Variants in CADPS observed in about 807,000 individuals in gnomAD.
The protein encoded by CADPS is calcium-dependent secretion activator 1.
Under a neutral mutation model 167.3 loss-of-function variants are expected in CADPS, and 57 were observed. The ratio of observed to expected loss-of-function variants is 0.34; its 90% CI spans 0.28 to 0.42. CADPS has a LOEUF of 0.42. Among genes scored for constraint, CADPS ranks in the 20% least tolerant of loss-of-function variants. The probability of loss-of-function intolerance (pLI) is 1.00; values close to 1 mark genes in which losing one functional copy is unlikely to be tolerated. For synonymous variants in CADPS, 676 were observed against 635.3 expected, an observed-to-expected ratio of 1.06 and a Z score of -0.96; for missense variants, 1,414 against 1,738.1, an observed-to-expected ratio of 0.81 and a Z score of 3.32.
In CADPS at chr3:62,474,152, TA is replaced by T; in HGVS notation, c.3477+20del. The T allele has an allele frequency of 7.4e-7, 1 of 1,350,106 alleles. No homozygotes were observed. Among genetic ancestry groups the T allele is most frequent in the South Asian group, 1.6e-5 (1 of 63,256 alleles). The allele number at this position is 1,350,106 out of a possible 1,614,324, so 83.6% of individuals were successfully genotyped here. A position where few individuals can be genotyped will look rare whatever the true frequency, so the allele number is the denominator to read the frequency against. On this transcript the variant is annotated intron_variant, in intron 24 of 29. Coordinates refer to ENST00000383710, the MANE Select transcript of CADPS (RefSeq NM_003716.4). Reference sequence around the variant, plus strand: ...CAATGAAGAGGGAAAAAAAAATCTGTATTTTTTTTTTTTTTTTTACCTCTTG... The same window carrying T: ...CAATGAAGAGGGAAAAAAAAATCTGTTTTTTTTTTTTTTTTTTACCTCTTG...
chr3:62,834,056 C>A (rs1326691412), intron 1 of CADPS, among the ~76,000 whole-genome samples: 1 of 152,082 alleles, frequency 6.6e-6, no homozygotes, highest in African/African-American at 2.4e-5. Flanking sequence ...TTTGTAAGTT[C>A]TCTGTCATGG....
chr3:62,633,974 C>T (rs1358949159), intron 6 of CADPS, among the ~76,000 whole-genome samples: 1 of 152,168 alleles, frequency 6.6e-6, no homozygotes, highest in Non-Finnish European at 1.5e-5. Context: ...ACACTTAGGA[C>T]AGACGGCAAA....
At chr3:62,445,598 A>G (rs1361376953) in intron 27 of CADPS, among the ~76,000 whole-genome samples, 167 bp downstream of exon 27, 2 of 152,126 alleles carry the variant, frequency 1.3e-5, no homozygotes, top group African/African-American at 4.8e-5. Flanking sequence ...AAATTCTACT[A>G]CAAAATATTC....
chr3:62,614,116 T>C (rs1467163489), intron 6 of CADPS, among the ~76,000 whole-genome samples: 1 of 152,214 alleles, frequency 6.6e-6, no homozygotes, highest in Non-Finnish European at 1.5e-5. Flanking sequence ...CAATTCAGCC[T>C]AACAGCTCCT....
chr3:62,699,221 G>A (rs2080941949), intron 3 of CADPS, among the ~76,000 whole-genome samples: 1 of 151,846 alleles, frequency 6.6e-6, no homozygotes, highest in Non-Finnish European at 1.5e-5. Context: ...CTGTTTTGTA[G>A]AGTCAGGGTC....
intron 4 of CADPS, among the ~76,000 whole-genome samples, chr3:62,655,897 T>C (rs907173703): frequency 1.3e-5 from 2 of 151,890 alleles, no homozygotes; most frequent in Admixed American, 6.6e-5. Flanking sequence ...TGGGGGGACA[T>C]GCCAGAAAGT....
At chr3:62,808,702 C>T (rs1237525165) in intron 1 of CADPS, among the ~76,000 whole-genome samples, 3 of 151,996 alleles carry the variant, frequency 2.0e-5, no homozygotes, top group African/African-American at 7.2e-5. Context: ...CTTTCTCTTT[C>T]GATGTTATCA....
chr3:62,619,047 T>A (rs1298442157), intron 6 of CADPS, among the ~76,000 whole-genome samples: 1 of 152,230 alleles, frequency 6.6e-6, no homozygotes, highest in Non-Finnish European at 1.5e-5. Context: ...GTAAATAAAG[T>A]CTAATTGGAG....
chr3:62,626,872 A>T (rs766786561), intron 6 of CADPS, among the ~76,000 whole-genome samples: 1 of 152,192 alleles, frequency 6.6e-6, no homozygotes, highest in Non-Finnish European at 1.5e-5. Context: ...GGTAGACAGA[A>T]ATGACTGAAG....
chr3:62,519,467 T>G (rs1280247100), intron 13 of CADPS, among the ~76,000 whole-genome samples: 4 of 152,158 alleles, frequency 2.6e-5, no homozygotes, highest in Admixed American at 2.6e-4. Context: ...ATGCGAAAAT[T>G]TCCTCTTCCC....
At chr3:62,422,252 G>A (rs947603351) in intron 28 of CADPS, among the ~76,000 whole-genome samples, 1 of 152,106 alleles carries the variant, frequency 6.6e-6, no homozygotes, top group South Asian at 2.1e-4. Context: ...TTCATTAAAC[G>A]GTACGCAGTG....
intron 1 of CADPS, among the ~76,000 whole-genome samples, chr3:62,804,793 GTTTA>G (rs1442615041): frequency 1.3e-4 from 20 of 152,080 alleles, no homozygotes; most frequent in South Asian, 1.0e-3. Context: ...TTATATATTT[GTTTA>G]TTTACTTCAA....
At chr3:62,427,647 C>A (rs541826090) in intron 28 of CADPS, among the ~76,000 whole-genome samples, 1 of 151,998 alleles carries the variant, frequency 6.6e-6, no homozygotes, top group African/African-American at 2.4e-5. Context: ...CAAAAATCAC[C>A]CCCCGGTAGA....
intron 11 of CADPS, among the ~76,000 whole-genome samples, chr3:62,537,093 T>G (rs1341536706): frequency 6.6e-6 from 1 of 152,240 alleles, no homozygotes. Flanking sequence ...GCCAATTTGG[T>G]TTCATAAAAG....
intron 4 of CADPS, among the ~76,000 whole-genome samples, 200 bp from the exon 5 acceptor site, chr3:62,651,280 A>G (rs1487854558): frequency 6.6e-6 from 1 of 152,188 alleles, no homozygotes; most frequent in Non-Finnish European, 1.5e-5. Flanking sequence ...ATACATTGTA[A>G]CAGGTAAGAA....
At chr3:62,860,966 T>A (rs2080686769) in intron 1 of CADPS, among the ~76,000 whole-genome samples, 1 of 152,106 alleles carries the variant, frequency 6.6e-6, no homozygotes, top group African/African-American at 2.4e-5. Flanking sequence ...AAAGGACAAA[T>A]CCAAGATTCT....
intron 6 of CADPS, among the ~76,000 whole-genome samples, chr3:62,636,997 T>C (rs982981619): frequency 2.6e-5 from 4 of 152,280 alleles, no homozygotes; most frequent in African/African-American, 9.6e-5. Flanking sequence ...GGGGCAGGCT[T>C]CCTAATTTCT....
intron 6 of CADPS, among the ~76,000 whole-genome samples, chr3:62,631,784 T>G (rs530937745): frequency 2.6e-5 from 4 of 152,196 alleles, no homozygotes; most frequent in Non-Finnish European, 5.9e-5. Context: ...CAGGCTCATA[T>G]TTAAAAGCTG....
chr3:62,866,976 T>C (rs1033106407), intron 1 of CADPS, among the ~76,000 whole-genome samples: 2 of 152,074 alleles, frequency 1.3e-5, no homozygotes, highest in African/African-American at 4.8e-5. Flanking sequence ...TCTTAGTCTC[T>C]GTACGCTATT....
Sources: allele counts gnomAD v4.1 joint callset (sites outside exome capture counted in the v4.1 genomes callset), GRCh38; gene constraint gnomAD v4.1.1; transcripts MANE v1.5; gene names NCBI Gene and HGNC (gene_info 2026-07-23, HGNC 2026-07-21).